Variants in SYTL4 observed in about 807,000 individuals in gnomAD.
SYTL4 encodes synaptotagmin like 4.
A neutral mutation model predicts 52.7 loss-of-function variants in SYTL4; 16 were observed. The ratio of observed to expected loss-of-function variants is 0.30; its 90% CI spans 0.21 to 0.46. SYTL4 has a LOEUF of 0.46. Ranked by LOEUF, SYTL4 falls within the 20% of genes least tolerant of loss-of-function variation. The probability of loss-of-function intolerance (pLI) is 1.00; values close to 1 mark genes in which losing one functional copy is unlikely to be tolerated. For missense variants in SYTL4, 423 were observed against 519.9 expected, an observed-to-expected ratio of 0.81 and a Z score of 1.81; for synonymous variants, 160 against 186.6, an observed-to-expected ratio of 0.86 and a Z score of 1.16.
chrX:100,702,170 A>C, intron 4 of SYTL4, 63 bp from the exon 5 acceptor site: 1 of 451,775 alleles, frequency 2.2e-6, no homozygotes, highest in Middle Eastern at 6.3e-4. Flanking sequence ...CCACAGCCCT[A>C]AACCCTTTCA....
In SYTL4 at chrX:100,685,997, T is replaced by C. The variant is rs185273284; in HGVS notation, c.1442A>G (p.His481Arg). 9.9e-5 allele frequency: 119 copies of C among 1,196,827 alleles called. No homozygotes were observed. Among genetic ancestry groups the C allele is most frequent in the Non-Finnish European group, 1.3e-4 (119 of 888,419 alleles). ...DKKLDHCLPLHGKISAESPTG... is the reference protein window; with the variant it reads ...DKKLDHCLPLRGKISAESPTG... The stretch of plus-strand genomic sequence containing the variant: ...GTTGTTAAAGCAGACTACCTTTCCA[T>C]GTAAAGGGAGGCAATGATCCAGTTT... Residue 481 changes from histidine to arginine, a missense_variant, in exon 16 of 20, where the codon CAT (histidine) becomes CGT (arginine). By Grantham distance (29) the His-to-Arg change is conservative (BLOSUM62 0). Coordinates refer to ENST00000372989, the MANE Select transcript of SYTL4 (RefSeq NM_001370165.1).
intron 2 of SYTL4, among the ~76,000 whole-genome samples, chrX:100,720,543 C>T (rs1444978025): frequency 8.9e-6 from 1 of 112,207 alleles, no homozygotes; most frequent in Non-Finnish European, 1.9e-5. Context: ...GATTTCTAAA[C>T]TGAACTCTAA....
chrX:100,676,063 G>A lies in SYTL4; in HGVS notation c.1981C>T (p.Arg661Cys), dbSNP rs745368437. 5 of 1,208,311 alleles carry A rather than the reference G, an allele frequency of 4.1e-6. No individual in the cohort carries two copies. In the South Asian group the frequency reaches 5.3e-5, roughly 13 times the overall value. ...GSWAEGTLQL[R>C]SSMAKQKLGL is the part of the protein sequence containing the mutation. ...AGCTTCTGCTTGGCCATTGAGGAAC[G>A]GAGCTGCAGAGTCCCTTCTGCCCAA... is the stretch of plus-strand genomic sequence containing the variant. The change falls in exon 20 of 20, where the codon CGT becomes TGT. Residue 661 changes from arginine (R) to cysteine (C), a missense_variant. Transcript: ENST00000372989.
At chrX:100,694,784 G>A (rs1272078162) in intron 8 of SYTL4, among the ~76,000 whole-genome samples, 1 of 111,654 alleles carries the variant, frequency 9.0e-6, no homozygotes, top group Non-Finnish European at 1.9e-5. Flanking sequence ...GATGCACAAA[G>A]AATGAGGTAA....
intron 16 of SYTL4, among the ~76,000 whole-genome samples, chrX:100,684,169 T>C (rs1302982284): frequency 8.9e-6 from 1 of 112,193 alleles, no homozygotes; most frequent in Admixed American, 9.5e-5. Flanking sequence ...CTGGAAACAT[T>C]TCAAATCTTC....
At chrX:100,695,836 C>A (rs1178671668) in intron 8 of SYTL4, among the ~76,000 whole-genome samples, 1 of 112,028 alleles carries the variant, frequency 8.9e-6, no homozygotes, top group Non-Finnish European at 1.9e-5. Context: ...AAGGTTTCCT[C>A]CTGCCCCATT....
At chrX:100,683,964 A>G (rs920248482) in intron 16 of SYTL4, among the ~76,000 whole-genome samples, 6 of 111,754 alleles carry the variant, frequency 5.4e-5, no homozygotes, top group African/African-American at 2.0e-4. Flanking sequence ...GACATTTCCA[A>G]TATAATTATA....
At chrX:100,689,031 A>C (rs1487177898) in intron 12 of SYTL4, among the ~76,000 whole-genome samples, 1 of 110,658 alleles carries the variant, frequency 9.0e-6, no homozygotes, top group Non-Finnish European at 1.9e-5. Flanking sequence ...TTTAATCAAA[A>C]GAAGTATTTA....
At chrX:100,710,029 C>CT (rs2084036684) in intron 2 of SYTL4, among the ~76,000 whole-genome samples, 1 of 111,849 alleles carries the variant, frequency 8.9e-6, no homozygotes, top group South Asian at 3.8e-4. Context: ...ACCATGCTGA[C>CT]AGCCTTATAG....
intron 2 of SYTL4, among the ~76,000 whole-genome samples, chrX:100,708,338 C>T (rs1381693047): frequency 9.0e-6 from 1 of 111,370 alleles, no homozygotes; most frequent in East Asian, 2.8e-4. Flanking sequence ...ACTAAATCTA[C>T]CATAAAAATG....
intron 2 of SYTL4, among the ~76,000 whole-genome samples, chrX:100,712,195 C>T (rs904870909): frequency 1.8e-5 from 2 of 111,475 alleles, no homozygotes; most frequent in African/African-American, 6.5e-5. Flanking sequence ...TATAGGTTTA[C>T]AAAAAGGGAT....
At chrX:100,700,846 G>T in intron 8 of SYTL4, 51 bp downstream of exon 8, 1 of 922,685 alleles carries the variant, frequency 1.1e-6, no homozygotes, top group South Asian at 2.0e-5. Flanking sequence ...AATAGTAAAA[G>T]AATTAAAGGG....
chrX:100,718,210 A>G (rs1384083384), intron 2 of SYTL4, among the ~76,000 whole-genome samples: 1 of 111,443 alleles, frequency 9.0e-6, no homozygotes, highest in Non-Finnish European at 1.9e-5. Context: ...CAGTTTTGAC[A>G]TCTTTCTATG....
In SYTL4 at chrX:100,687,074, A is replaced by G. The variant is rs1360988625; in HGVS notation, c.1177T>C (p.Ser393Pro). Reference sequence around the variant, plus strand: ...GGTTCCAGAAGCACTCACGGGTTAGAGCGCTTCTTGGCTTCATCAGCATAG... The same window carrying G: ...GGTTCCAGAAGCACTCACGGGTTAGGGCGCTTCTTGGCTTCATCAGCATAG... The part of the protein sequence containing the change: ...LAYADEAKKR[S>P]NPYVKTYLLP... The change falls in exon 14 of 20, where the codon TCT becomes CCT. Residue 393 changes from serine to proline, a missense_variant. Ser to Pro is a moderately conservative substitution (Grantham distance 74, BLOSUM62 -1). Coordinates refer to ENST00000372989, the MANE Select transcript of SYTL4 (RefSeq NM_001370165.1). 7.4e-6 allele frequency: 9 copies of G among 1,210,765 alleles called. No individual in the cohort carries two copies. In the South Asian group the frequency reaches 1.6e-4, roughly 21 times the overall value.
intron 16 of SYTL4, 91 bp from the exon 17 acceptor site, chrX:100,681,426 A>G (rs1002025461): frequency 1.0e-4 from 65 of 645,790 alleles, no homozygotes; most frequent in Middle Eastern, 8.8e-4. Context: ...TTACCCCCCA[A>G]GAACAGCATC....
At chrX:100,714,936 T>G (rs1302165639) in intron 2 of SYTL4, among the ~76,000 whole-genome samples, 5 of 112,451 alleles carry the variant, frequency 4.4e-5, no homozygotes, top group Non-Finnish European at 9.4e-5. Flanking sequence ...CTCATCAAAA[T>G]GAGAGCAAAG....
Position 100,691,153 on chromosome X carries a change from C to G in SYTL4, c.596G>C (p.Ser199Thr). The change falls in exon 9 of 20, where the codon AGT becomes ACT. Residue 199 changes from serine to threonine, a missense_variant. Physicochemically the swap from Ser to Thr is moderately conservative, Grantham distance 58. Transcript: ENST00000372989. Reference protein sequence around the residue: ...KSGKSALEAESESLDSFTADS... With the variant: ...KSGKSALEAETESLDSFTADS... ...AGCTGTGAAGCTATCCAGACTCTCA[C>G]TCTCAGCTTCCAATGCACTCTTTCC... 1 of 1,209,152 alleles carries G rather than the reference C, an allele frequency of 8.3e-7. No individual in the cohort carries two copies. The highest frequency in any genetic ancestry group is 1.1e-6 in the Non-Finnish European group (1 of 894,274).
intron 5 of SYTL4, 35 bp from the exon 6 acceptor site, chrX:100,701,708 C>T (rs1369066405): frequency 1.7e-6 from 2 of 1,151,378 alleles, no homozygotes; most frequent in African/African-American, 1.8e-5. Context: ...TAAGTGGATT[C>T]AGGATATGCA....
At position 100,678,505 on chromosome X, in the gene SYTL4, T is replaced by G; in HGVS notation, c.1753A>C (p.Asn585His). Reference protein sequence around the residue: ...NPHYNHTFVYNGVRLEDLQHM... With the variant: ...NPHYNHTFVYHGVRLEDLQHM... ...TGTAGATCTTCCAGCCTCACACCAT[T>G]GTAGACAAATGTATGGTTGTAGTGA... The change falls in exon 19 of 20, where the codon AAT (asparagine) becomes CAT (histidine). Residue 585 changes from asparagine to histidine, a missense_variant. Asn to His is a moderately conservative substitution (Grantham distance 68, BLOSUM62 1). Coordinates refer to ENST00000372989, the MANE Select transcript of SYTL4 (RefSeq NM_001370165.1). 1.7e-6 allele frequency: 2 copies of G among 1,209,572 alleles called. No individual in the cohort carries two copies. Among genetic ancestry groups the G allele is most frequent in the Non-Finnish European group, 2.2e-6 (2 of 893,878 alleles).
Sources: gnomAD v4.1 joint callset for allele counts (sites outside exome capture counted in the v4.1 genomes callset) on GRCh38, gnomAD v4.1.1 for gene constraint, MANE v1.5 for transcripts, NCBI Gene and HGNC (gene_info 2026-07-23, HGNC 2026-07-21) for gene names.